The following NAT1 variants were observed in gnomAD, a reference collection of about 807,000 sequenced individuals.
NAT1 encodes the protein N-acetyltransferase 1.
For synonymous variants in NAT1, 144 were observed against 122.6 expected, an observed-to-expected ratio of 1.17 and a Z score of -1.16; for missense variants, 400 against 339.2, an observed-to-expected ratio of 1.18 and a Z score of -1.41.
intron 2 of NAT1, among the ~76,000 whole-genome samples, chr8:18,192,589 C>A (rs932753147): frequency 3.3e-5 from 5 of 152,000 alleles, no homozygotes; most frequent in Admixed American, 6.6e-5. Flanking sequence ...TGGAACCAAC[C>A]CAAATGTCCA....
intron 1 of NAT1, among the ~76,000 whole-genome samples, chr8:18,215,527 TTTC>T (rs1432519199): frequency 1.3e-5 from 2 of 152,224 alleles, no homozygotes; most frequent in African/African-American, 2.4e-5. Context: ...GTATGAAATC[TTTC>T]TTTTCATAAA....
intron 2 of NAT1, among the ~76,000 whole-genome samples, chr8:18,200,257 C>T (rs933646012): frequency 6.6e-6 from 1 of 152,042 alleles, no homozygotes; most frequent in African/African-American, 2.4e-5. Context: ...TTCATTGCAG[C>T]ACTATTCGCA....
In NAT1 at chr8:18,183,237, C is replaced by G. The variant is rs553950530; in HGVS notation, n.92+12498C>G. Among the ~76,000 whole-genome samples, 16 of 152,240 alleles carry G rather than the reference C, an allele frequency of 1.1e-4. No individual in the cohort carries two copies. In the South Asian group the frequency reaches 3.3e-3, roughly 32 times the overall value. ...CATTAATCCATTCATAAGTGCTCTG[C>G]CATCATGATGTAAACACCTCCCATC... On this transcript the variant is annotated intron_variant and non_coding_transcript_variant, in intron 2 of 4. Transcript: ENST00000517441.
intron 2 of NAT1, among the ~76,000 whole-genome samples, chr8:18,196,227 G>A (rs1226356632): frequency 6.6e-6 from 1 of 151,942 alleles, no homozygotes; most frequent in Admixed American, 6.6e-5. Context: ...TAGGATTGCA[G>A]GCGTGAGCCA....
At chr8:18,216,848 A>G (rs773597465) in intron 1 of NAT1, 27 of 1,406,732 alleles carry the variant, frequency 1.9e-5, no homozygotes, top group East Asian at 5.0e-5. Flanking sequence ...GGGGGAACTC[A>G]TAAGAACTCA....
chr8:18,204,716 G>A (rs998003992), intron 2 of NAT1, among the ~76,000 whole-genome samples: 3 of 152,084 alleles, frequency 2.0e-5, no homozygotes, highest in Non-Finnish European at 4.4e-5. Context: ...GAGTTAAAAT[G>A]GTAGTCAATA....
At chr8:18,205,282 G>C (rs1803660869), upstream of NAT1, among the ~76,000 whole-genome samples, 1 of 152,298 alleles carries the variant, frequency 6.6e-6, no homozygotes, top group South Asian at 2.1e-4. Flanking sequence ...TGCAGCTGTG[G>C]GGGTGGGAGC....
intron 2 of NAT1, among the ~76,000 whole-genome samples, chr8:18,199,500 G>C (rs971033807): frequency 1.3e-5 from 2 of 152,016 alleles, no homozygotes; most frequent in African/African-American, 2.4e-5. Context: ...TTAAGGAACA[G>C]AGAAAAATGT....
chr8:18,170,680 T>C (rs574306604), exon 2 of NAT1: 1 of 152,176 alleles, frequency 6.6e-6, no homozygotes, highest in Non-Finnish European at 1.5e-5. Flanking sequence ...CTTTAACAGA[T>C]TGACCCAGTC....
chr8:18,222,317 A>G lies in NAT1; in HGVS notation c.270A>G (p.Gly90=). ...TTIGFETTML[G]GYVYSTPAKK... The stretch of plus-strand genomic sequence containing the variant: ...TTGGTTTTGAGACCACGATGTTGGG[A>G]GGGTATGTTTACAGCACTCCAGCCA... The change falls in exon 3 of 3, where the codon GGA becomes GGG. Residue 90 remains glycine (G), a synonymous_variant. Coordinates refer to ENST00000307719, the MANE Select transcript of NAT1 (RefSeq NM_000662.8). 6.2e-7 allele frequency: 1 copy of G among 1,614,002 alleles called. No individual in the cohort carries two copies.
chr8:18,220,055 C>G (rs746981210), intron 2 of NAT1, among the ~76,000 whole-genome samples: 101 of 152,278 alleles, frequency 6.6e-4, no homozygotes, highest in Non-Finnish European at 9.7e-4. Flanking sequence ...CCTTTTAGAT[C>G]GGCTTCTCTC....
intron 2 of NAT1, among the ~76,000 whole-genome samples, chr8:18,172,008 T>C (rs991051403): frequency 2.2e-4 from 34 of 152,048 alleles, no homozygotes; most frequent in African/African-American, 7.9e-4. Flanking sequence ...TAACATCTTA[T>C]GAAATTCTTC....
At chr8:18,185,468 T>G (rs1294687464) in intron 2 of NAT1, among the ~76,000 whole-genome samples, 1 of 152,174 alleles carries the variant, frequency 6.6e-6, no homozygotes, top group East Asian at 1.9e-4. Flanking sequence ...AATTTTGTTT[T>G]TTACTGCTTC....
At chr8:18,179,393 A>G (rs1172639329) in intron 2 of NAT1, among the ~76,000 whole-genome samples, 1 of 152,188 alleles carries the variant, frequency 6.6e-6, no homozygotes, top group Non-Finnish European at 1.5e-5. Flanking sequence ...AGCATTTTCT[A>G]TGGCCACTCA....
upstream of NAT1, among the ~76,000 whole-genome samples, chr8:18,209,122 C>T (rs1300470313): frequency 6.6e-6 from 1 of 152,208 alleles, no homozygotes; most frequent in Non-Finnish European, 1.5e-5. Flanking sequence ...TGACCAGGTA[C>T]AGCACAAAGA....
chr8:18,221,188 C>A (rs1289978633), intron 2 of NAT1, among the ~76,000 whole-genome samples: 1 of 152,164 alleles, frequency 6.6e-6, no homozygotes, highest in Non-Finnish European at 1.5e-5. Flanking sequence ...ACGCTCAAGG[C>A]AGTTTCCAGC....
intron 2 of NAT1, among the ~76,000 whole-genome samples, chr8:18,192,633 A>C (rs1803044949): frequency 6.6e-6 from 1 of 152,298 alleles, no homozygotes; most frequent in Non-Finnish European, 1.5e-5. Context: ...AATGTGGCAC[A>C]TATACACCAT....
chr8:18,213,020 T>C (rs898824238), intron 1 of NAT1, among the ~76,000 whole-genome samples: 7 of 151,482 alleles, frequency 4.6e-5, no homozygotes, highest in African/African-American at 1.7e-4. Context: ...TTCTCCTGCA[T>C]TAGCCTCTCA....
Position 18,222,784 on chromosome 8 carries a change from A to G in NAT1, c.737A>G (p.Tyr246Cys), listed in dbSNP as rs201129487. ...GFTLTHRRFNYKDNTDLIEFK... is the reference protein window; with the variant it reads ...GFTLTHRRFNCKDNTDLIEFK... ...ACCCTCACCCATAGGAGATTCAATT[A>G]TAAGGACAATACAGATCTAATAGAG... is the stretch of plus-strand genomic sequence containing the variant. The change falls in exon 3 of 3, where the codon TAT (tyrosine) becomes TGT (cysteine). Residue 246 changes from tyrosine to cysteine, a missense_variant. Tyr to Cys is a radical substitution (Grantham distance 194). Coordinates refer to ENST00000307719, the MANE Select transcript of NAT1 (RefSeq NM_000662.8). 2 of 1,613,612 alleles carry G rather than the reference A, an allele frequency of 1.2e-6. No individual in the cohort carries two copies. The highest frequency in any genetic ancestry group is 2.2e-5 in the East Asian group (1 of 44,864).
Sources: gnomAD v4.1 joint callset for allele counts (sites outside exome capture counted in the v4.1 genomes callset) on GRCh38, gnomAD v4.1.1 for gene constraint, MANE v1.5 for transcripts, NCBI Gene and HGNC (gene_info 2026-07-23, HGNC 2026-07-21) for gene names.